The following CHSY3 variants were observed in gnomAD, a reference collection of about 807,000 sequenced individuals.
CHSY3 encodes the protein N-acetylgalactosaminyl-proteoglycan 3-beta-glucuronosyltransferase 3.
CHSY3 carries 35 observed loss-of-function variants against 67.2 expected under a neutral mutation model. That is an observed-to-expected ratio of 0.52 (90% CI 0.40 to 0.69). CHSY3 has a LOEUF of 0.69. Among genes scored for constraint, CHSY3 ranks in the 30% least tolerant of loss-of-function variants. CHSY3 has a pLI of 0.00. For synonymous variants in CHSY3, 474 were observed against 434.7 expected, an observed-to-expected ratio of 1.09 and a Z score of -1.12; for missense variants, 1,069 against 1,138.5, an observed-to-expected ratio of 0.94 and a Z score of 0.88.
At chr5:129,971,086 G>A (rs1762628975) in intron 2 of CHSY3, among the ~76,000 whole-genome samples, 1 of 151,886 alleles carries the variant, frequency 6.6e-6, no homozygotes, top group Admixed American at 6.6e-5. Context: ...AGTATATTTG[G>A]AATTCAAAGG....
intron 2 of CHSY3, among the ~76,000 whole-genome samples, chr5:129,972,627 G>T (rs1468421996): frequency 6.6e-6 from 1 of 151,740 alleles, no homozygotes; most frequent in Non-Finnish European, 1.5e-5. Context: ...GTATGTGTGT[G>T]TGGTCTGTGT....
At chr5:129,978,710 T>C (rs1176700399) in intron 2 of CHSY3, among the ~76,000 whole-genome samples, 1 of 152,176 alleles carries the variant, frequency 6.6e-6, no homozygotes, top group East Asian at 1.9e-4. Flanking sequence ...TAATAATTTA[T>C]ATAAATTTTC....
rs993331009 is a variant in CHSY3, at chr5:130,170,861, A to G, written c.1087-13368A>G. On this transcript the variant is annotated intron_variant, in intron 2 of 2. Coordinates refer to ENST00000305031, the MANE Select transcript of CHSY3 (RefSeq NM_175856.5). ...TTTTTTCTTGTTGAGTCGTTTGAGT[A>G]ACTATTACTTTACATTTTGTTTTTC... Among the ~76,000 whole-genome samples the G allele has an allele frequency of 1.2e-4, 18 of 151,626 alleles. 1 individual carries two copies.
At chr5:130,162,502 T>C (rs1194593012) in intron 2 of CHSY3, among the ~76,000 whole-genome samples, 9 of 152,240 alleles carry the variant, frequency 5.9e-5, no homozygotes, top group South Asian at 4.1e-4. Flanking sequence ...TGTAAAGCCA[T>C]ACAGCAAACT....
At chr5:129,951,017 C>T (rs1762009013) in intron 2 of CHSY3, among the ~76,000 whole-genome samples, 2 of 152,132 alleles carry the variant, frequency 1.3e-5, no homozygotes, top group African/African-American at 4.8e-5. Context: ...GTACTCAAAA[C>T]AGTGTAGTAC....
At chr5:129,931,364 A>G (rs1340251583) in intron 2 of CHSY3, among the ~76,000 whole-genome samples, 4 of 152,284 alleles carry the variant, frequency 2.6e-5, no homozygotes, top group South Asian at 4.1e-4. Flanking sequence ...TAAGTGCTTG[A>G]TAAGTTATAC....
chr5:130,003,199 A>G (rs1017047607), intron 2 of CHSY3, among the ~76,000 whole-genome samples: 2 of 152,206 alleles, frequency 1.3e-5, no homozygotes, highest in Non-Finnish European at 2.9e-5. Context: ...CCATGATACC[A>G]TAATGTGGTA....
chr5:130,136,392 A>G (rs539316628), intron 2 of CHSY3, among the ~76,000 whole-genome samples: 1 of 152,294 alleles, frequency 6.6e-6, no homozygotes, highest in South Asian at 2.1e-4. Context: ...GACAGTCATG[A>G]AGGCTGATAC....
At chr5:130,126,498 A>G (rs1392289696) in intron 2 of CHSY3, among the ~76,000 whole-genome samples, 2 of 152,138 alleles carry the variant, frequency 1.3e-5, no homozygotes. Context: ...CTGCATTGAT[A>G]AGATTGGCTT....
intron 2 of CHSY3, among the ~76,000 whole-genome samples, chr5:130,091,849 C>T (rs527997198): frequency 2.1e-4 from 32 of 152,156 alleles, no homozygotes; most frequent in African/African-American, 7.2e-4. Flanking sequence ...TTCTTGGTAC[C>T]GCAGGCTTCA....
intron 1 of CHSY3, 26 bp downstream of exon 1, chr5:129,905,657 G>C: frequency 6.2e-7 from 1 of 1,606,546 alleles, no homozygotes; most frequent in Non-Finnish European, 8.5e-7. Context: ...CGGCTTTCCA[G>C]CCTGCCAGTC....
chr5:130,055,890 G>T (rs2149673935), intron 2 of CHSY3, among the ~76,000 whole-genome samples: 1 of 152,186 alleles, frequency 6.6e-6, no homozygotes, highest in Admixed American at 6.5e-5. Context: ...GTGGCTACTG[G>T]TCACCAATAC....
chr5:130,125,090 C>A (rs532350968), intron 2 of CHSY3, among the ~76,000 whole-genome samples: 1 of 152,146 alleles, frequency 6.6e-6, no homozygotes, highest in East Asian at 1.9e-4. Context: ...CGAACTCCTG[C>A]AGAGATTACA....
chr5:129,953,045 T>C (rs1762068084), intron 2 of CHSY3, among the ~76,000 whole-genome samples: 1 of 151,932 alleles, frequency 6.6e-6, no homozygotes, highest in Non-Finnish European at 1.5e-5. Flanking sequence ...GTTTGTTACA[T>C]AGGTATACAC....
intron 2 of CHSY3, among the ~76,000 whole-genome samples, chr5:130,015,234 T>C (rs930842968): frequency 2.0e-5 from 3 of 152,156 alleles, no homozygotes; most frequent in African/African-American, 4.8e-5. Context: ...CCTTTTGCCA[T>C]GACTAAAAGT....
intron 2 of CHSY3, among the ~76,000 whole-genome samples, chr5:130,093,217 G>A (rs1252326036): frequency 6.6e-6 from 1 of 152,078 alleles, no homozygotes; most frequent in Non-Finnish European, 1.5e-5. Flanking sequence ...AAAAAGGTAT[G>A]AGTCACTCTT....
At chr5:129,979,071 G>A (rs1762895244) in intron 2 of CHSY3, among the ~76,000 whole-genome samples, 1 of 151,288 alleles carries the variant, frequency 6.6e-6, no homozygotes, top group Admixed American at 6.6e-5. Context: ...GTGGTGGTGG[G>A]CGCCTGTAGT....
At chr5:130,096,069 C>G (rs903833303) in intron 2 of CHSY3, among the ~76,000 whole-genome samples, 3 of 152,134 alleles carry the variant, frequency 2.0e-5, no homozygotes, top group African/African-American at 4.8e-5. Flanking sequence ...GAAACTGTTA[C>G]GGACTCAGGG....
intron 2 of CHSY3, among the ~76,000 whole-genome samples, chr5:129,958,268 G>A (rs1467427036): frequency 2.0e-5 from 3 of 152,154 alleles, no homozygotes; most frequent in Admixed American, 6.6e-5. Context: ...TCATATTTGA[G>A]TGAAAGGCTT....
Sources: allele counts gnomAD v4.1 joint callset (sites outside exome capture counted in the v4.1 genomes callset), GRCh38; gene constraint gnomAD v4.1.1; transcripts MANE v1.5; gene names NCBI Gene and HGNC (gene_info 2026-07-23, HGNC 2026-07-21).